NFAM1: variants seen among roughly 807,000 people sequenced by gnomAD.
NFAM1 encodes the protein NFAT activation molecule 1.
In NFAM1, 17 loss-of-function variants were observed where a neutral mutation model predicts 29.0. That is an observed-to-expected ratio of 0.59 (90% confidence interval 0.40 to 0.88). The LOEUF is 0.88. Ranked by LOEUF, NFAM1 falls within the 40% of genes least tolerant of loss-of-function variation. NFAM1 has a pLI of 0.00. For missense variants in NFAM1, 324 were observed against 344.6 expected, an observed-to-expected ratio of 0.94 and a Z score of 0.47; for synonymous variants, 175 against 147.2, an observed-to-expected ratio of 1.19 and a Z score of -1.36.
At position 42,425,886 on chromosome 22, in the gene NFAM1, C is replaced by T. The variant is rs78296137; in HGVS notation, c.121+6351G>A. ...ACATGCCTCTGAGCGCCTGTGTGCT[C>T]GGGATCACAGATGAACACCTTGGGG... On this transcript the variant is annotated intron_variant, in intron 1 of 5. Transcript: ENST00000329021. 8.7e-3 allele frequency among the ~76,000 whole-genome samples: 1,302 copies of T among 150,284 alleles called. 32 individuals carry two copies. Among genetic ancestry groups the T allele is most frequent in the African/African-American group, 0.03 (1,234 of 41,284 alleles).
At chr22:42,415,550 C>T (rs1205072477) in intron 1 of NFAM1, among the ~76,000 whole-genome samples, 3 of 152,038 alleles carry the variant, frequency 2.0e-5, no homozygotes, top group South Asian at 2.1e-4. Context: ...CTGCCCACCT[C>T]GGCCTCCCAA....
intron 4 of NFAM1, among the ~76,000 whole-genome samples, chr22:42,397,043 C>G (rs2147096969): frequency 6.6e-6 from 1 of 150,624 alleles, no homozygotes; most frequent in African/African-American, 2.4e-5. Context: ...TGCCAGATCT[C>G]ACGAGATGGG....
upstream of NFAM1, chr22:42,432,495 G>T: frequency 2.4e-6 from 3 of 1,274,648 alleles, no homozygotes; most frequent in African/African-American, 1.5e-5. Context: ...AGCTGGAACA[G>T]CCCAGCAGGG....
upstream of NFAM1, chr22:42,436,843 G>A (rs565592914): frequency 7.3e-5 from 19 of 258,882 alleles, no homozygotes; most frequent in Non-Finnish European, 9.7e-5. Context: ...TCCAGCTCCC[G>A]GGACCTGGCT....
At position 42,403,360 on chromosome 22, in the gene NFAM1, G is replaced by T. The variant is rs535734068; in HGVS notation, c.565-5404C>A. On this transcript the variant is annotated intron_variant, in intron 3 of 5. Coordinates refer to ENST00000329021, the MANE Select transcript of NFAM1 (RefSeq NM_145912.8). ...CATAACAGCTGATCTCCCCAGCTAA[G>T]AGTTTAGCTTGCTGTGTTCCCAGCC... is the stretch of plus-strand genomic sequence containing the variant. Among the ~76,000 whole-genome samples, 3 of 152,340 alleles carry T rather than the reference G, an allele frequency of 2.0e-5. No individual in the cohort carries two copies. In the South Asian group the frequency reaches 6.2e-4, roughly 32 times the overall value.
At position 42,409,559 on chromosome 22, in the gene NFAM1, C is replaced by T. The variant is rs375597709; in HGVS notation, c.452-12G>A. 1.6e-4 allele frequency: 229 copies of T among 1,402,066 alleles called. No individual in the cohort carries two copies. The African/African-American group carries it at 2.4e-3, about 15-fold the overall frequency. The allele number at this position is 1,402,066 out of a possible 1,614,324, so 86.9% of individuals were successfully genotyped here. A position where few individuals can be genotyped will look rare whatever the true frequency, so the allele number is the denominator to read the frequency against. Reference sequence around the variant, plus strand: ...TCGGTACCCTGCGTCTAGGAGGAAGCGCAGGGGAGCAGAGGGGTCAGTGAC... The same window carrying T: ...TCGGTACCCTGCGTCTAGGAGGAAGTGCAGGGGAGCAGAGGGGTCAGTGAC... On this transcript the variant is annotated splice_polypyrimidine_tract_variant and intron_variant, in intron 2 of 5. Coordinates refer to ENST00000329021, the MANE Select transcript of NFAM1 (RefSeq NM_145912.8). The surrounding 1 kb of genome is among the most constrained non-coding windows in gnomAD (Gnocchi z 4.9).
upstream of NFAM1, among the ~76,000 whole-genome samples, chr22:42,435,468 C>T (rs1601769361): frequency 2.0e-5 from 3 of 151,984 alleles, no homozygotes; most frequent in Non-Finnish European, 4.4e-5. Flanking sequence ...CTGCCTCAGC[C>T]TCCCGAGTAG....
intron 3 of NFAM1, among the ~76,000 whole-genome samples, chr22:42,404,616 G>T (rs1000810195): frequency 1.3e-5 from 2 of 152,166 alleles, no homozygotes; most frequent in African/African-American, 4.8e-5. Context: ...TGGTGCTTCA[G>T]AAGTGCTCTC....
intron 2 of NFAM1, among the ~76,000 whole-genome samples, chr22:42,410,053 C>T (rs1223004444): frequency 2.0e-5 from 3 of 152,150 alleles, no homozygotes; most frequent in Non-Finnish European, 4.4e-5. Context: ...ATCCGACTGG[C>T]AAAAACACAC....
chr22:42,424,112 CT>C (rs923471141), intron 1 of NFAM1, among the ~76,000 whole-genome samples: 2 of 150,030 alleles, frequency 1.3e-5, no homozygotes, highest in South Asian at 4.5e-4. Context: ...GACCCCATCT[CT>C]TTAAAAAAAA....
Position 42,419,822 on chromosome 22 carries a change from C to T in NFAM1, c.122-8086G>A, listed in dbSNP as rs570359952. ...GCCCCGCACAGCACAGACTCTCAGG[C>T]GTCACTGTTAAGCCATGTGATCAGA... On this transcript the variant is annotated intron_variant, in intron 1 of 5. Coordinates refer to ENST00000329021, the MANE Select transcript of NFAM1 (RefSeq NM_145912.8). This position sits in a 1 kb window ranked among gnomAD's most constrained non-coding sequence, Gnocchi z 4.5. 3.3e-5 allele frequency among the ~76,000 whole-genome samples: 5 copies of T among 152,240 alleles called. No individual in the cohort carries two copies. The highest frequency in any genetic ancestry group is 1.9e-4 in the East Asian group (1 of 5,174).
upstream of NFAM1, chr22:42,437,141 CTTTT>C (rs566611914): frequency 1.0e-4 from 16 of 155,352 alleles, no homozygotes; most frequent in Non-Finnish European, 1.7e-4. Flanking sequence ...TTCTTTTTGT[CTTTT>C]TTTTTTTTTT....
In NFAM1 at chr22:42,420,028, T is replaced by TGAGGCA. The variant is rs569153857; in HGVS notation, c.122-8298_122-8293dup. Among the ~76,000 whole-genome samples the TGAGGCA allele has an allele frequency of 1.2e-3, 121 of 103,756 alleles. 1 individual carries two copies. Among genetic ancestry groups the TGAGGCA allele is most frequent in the African/African-American group, 4.5e-3 (113 of 25,362 alleles). The allele number at this position is 103,756 out of a possible 152,430, so 68.1% of individuals were successfully genotyped here. A position where few individuals can be genotyped will look rare whatever the true frequency, so the allele number is the denominator to read the frequency against. ...TTTTTTTTTTTTTTTTTTTTTTTTCTGAGGCAGAATTTTGCTCTTGTACCC... is the reference window on the plus strand; with the variant it reads ...TTTTTTTTTTTTTTTTTTTTTTTTCTGAGGCAGAGGCAGAATTTTGCTCTTGTACCC... On this transcript the variant is annotated intron_variant, in intron 1 of 5. Coordinates refer to ENST00000329021, the MANE Select transcript of NFAM1 (RefSeq NM_145912.8).
At chr22:42,430,348 T>C (rs2146560942) in intron 1 of NFAM1, among the ~76,000 whole-genome samples, 1 of 152,236 alleles carries the variant, frequency 6.6e-6, no homozygotes, top group African/African-American at 2.4e-5. Context: ...TCACCTGCGG[T>C]CAGGAGTTCA....
chr22:42,421,271 T>C (rs1930435002), intron 1 of NFAM1, among the ~76,000 whole-genome samples: 2 of 151,636 alleles, frequency 1.3e-5, no homozygotes, highest in Non-Finnish European at 1.5e-5. Flanking sequence ...GCCAACATGG[T>C]GAAACCCCGT....
chr22:42,389,930 G>A (rs1185964047), intron 4 of NFAM1, among the ~76,000 whole-genome samples: 4 of 152,204 alleles, frequency 2.6e-5, no homozygotes, highest in African/African-American at 9.7e-5. Context: ...AGATCTGGGG[G>A]TGTTGTTCGG....
intron 1 of NFAM1, among the ~76,000 whole-genome samples, chr22:42,416,644 C>T (rs749749577): frequency 6.8e-4 from 104 of 152,230 alleles, no homozygotes; most frequent in Non-Finnish European, 1.1e-3. Flanking sequence ...TGCAGGGCAT[C>T]CGGCCTGCCC....
At chr22:42,404,222 C>A (rs1929819254) in intron 3 of NFAM1, among the ~76,000 whole-genome samples, 1 of 152,086 alleles carries the variant, frequency 6.6e-6, no homozygotes, top group Non-Finnish European at 1.5e-5. Flanking sequence ...CAGACTTGCC[C>A]CAGTGGAGTC....
upstream of NFAM1, among the ~76,000 whole-genome samples, chr22:42,434,128 C>T (rs143296717): frequency 5.6e-4 from 86 of 152,294 alleles, 1 homozygote; most frequent in African/African-American, 1.9e-3. Context: ...CTCGGACTCC[C>T]GGGAGTTCTG....
Sources: gnomAD v4.1 joint callset for allele counts (sites outside exome capture counted in the v4.1 genomes callset) on GRCh38, gnomAD v4.1.1 for gene constraint, Gnocchi (gnomAD v3.1) non-coding constraint, MANE v1.5 for transcripts, NCBI Gene and HGNC (gene_info 2026-07-23, HGNC 2026-07-21) for gene names.